IQCM: variants seen among roughly 807,000 people sequenced by gnomAD.
IQCM encodes the protein IQ motif containing M.
A neutral mutation model predicts 57.6 loss-of-function variants in IQCM; 45 were observed. The ratio of observed to expected loss-of-function variants is 0.78; its 90% CI spans 0.62 to 1.00. The LOEUF is 1.00. Ranked by LOEUF, IQCM falls within the 50% of genes least tolerant of loss-of-function variation. IQCM has a pLI of 0.00. For synonymous variants in IQCM, 148 were observed against 158.9 expected (o/e 0.93, Z 0.51); for missense variants, 468 against 511.6 (o/e 0.91, Z 0.82).
chr4:149,352,703 G>T (rs1728662285), intron 13 of IQCM, among the ~76,000 whole-genome samples: 1 of 152,156 alleles, frequency 6.6e-6, no homozygotes, highest in Non-Finnish European at 1.5e-5. Context: ...AAGACAAACA[G>T]TATTGACTTT....
At chr4:149,807,399 A>T (rs891764850) in intron 2 of IQCM, among the ~76,000 whole-genome samples, 1 of 152,072 alleles carries the variant, frequency 6.6e-6, no homozygotes, top group African/African-American at 2.4e-5. Context: ...ATTAAGCTAG[A>T]TACTCATCTT....
rs996340247 is a variant in IQCM, at chr4:149,579,264, T to A, written c.749+8666A>T. On this transcript the variant is annotated intron_variant, in intron 9 of 13. Transcript: ENST00000636793. ...CCTTCAGCAGAAACTAGTGGAATTA[T>A]GTGTATCCCATGCTTATGAGTGAGG... Among the ~76,000 whole-genome samples, 3 of 151,810 alleles carry A rather than the reference T, an allele frequency of 2.0e-5. No individual in the cohort carries two copies. The South Asian group carries it at 6.2e-4, about 31-fold the overall frequency.
intron 2 of IQCM, among the ~76,000 whole-genome samples, chr4:149,796,301 G>C: frequency 6.6e-6 from 1 of 152,202 alleles, no homozygotes; most frequent in East Asian, 1.9e-4. Flanking sequence ...TGAGGTGGTA[G>C]TGGTCACAGA....
intron 7 of IQCM, among the ~76,000 whole-genome samples, chr4:149,679,438 C>A (rs190411827): frequency 6.6e-6 from 1 of 151,326 alleles, no homozygotes; most frequent in African/African-American, 2.4e-5. Context: ...GAAATAAGAC[C>A]TAGTGTTAGA....
At chr4:149,550,501 A>AT (rs1445041648) in intron 11 of IQCM, among the ~76,000 whole-genome samples, 2 of 152,210 alleles carry the variant, frequency 1.3e-5, no homozygotes, top group African/African-American at 4.8e-5. Context: ...TTCTCACAAG[A>AT]TAATATTGAT....
chr4:149,778,897 G>A (rs912536653), intron 2 of IQCM, among the ~76,000 whole-genome samples: 1 of 152,116 alleles, frequency 6.6e-6, no homozygotes, highest in Non-Finnish European at 1.5e-5. Flanking sequence ...CGGTTTCACT[G>A]TAAATACTAC....
At chr4:149,701,633 C>T (rs1763780596) in intron 5 of IQCM, among the ~76,000 whole-genome samples, 1 of 151,964 alleles carries the variant, frequency 6.6e-6, no homozygotes, top group South Asian at 2.1e-4. Flanking sequence ...TCATACTTCA[C>T]AGTTTTAGTG....
At chr4:149,389,115 T>C (rs182140385) in intron 13 of IQCM, among the ~76,000 whole-genome samples, 2 of 152,078 alleles carry the variant, frequency 1.3e-5, no homozygotes, top group Admixed American at 1.3e-4. Context: ...ATTTAATAGT[T>C]TTCACCCTTA....
intron 12 of IQCM, among the ~76,000 whole-genome samples, chr4:149,521,396 T>C (rs1013494381): frequency 6.6e-6 from 1 of 152,190 alleles, no homozygotes; most frequent in African/African-American, 2.4e-5. Flanking sequence ...TTTTCTACCA[T>C]GCAAATTATT....
At chr4:149,605,705 C>G (rs1754711700) in intron 8 of IQCM, among the ~76,000 whole-genome samples, 1 of 152,056 alleles carries the variant, frequency 6.6e-6, no homozygotes, top group South Asian at 2.1e-4. Flanking sequence ...CTACACTGGT[C>G]TTGGAGGCAG....
At chr4:149,567,307 T>G (rs2149948914) in intron 9 of IQCM, among the ~76,000 whole-genome samples, 1 of 152,212 alleles carries the variant, frequency 6.6e-6, no homozygotes, top group African/African-American at 2.4e-5. Context: ...GACAATTTTT[T>G]CAATATTTTT....
chr4:149,583,624 T>C (rs1752404229), intron 9 of IQCM, among the ~76,000 whole-genome samples: 1 of 151,754 alleles, frequency 6.6e-6, no homozygotes, highest in Non-Finnish European at 1.5e-5. Flanking sequence ...ATGCAATAGG[T>C]TATCTTAAGG....
In IQCM at chr4:149,739,550, T is replaced by C. The variant is rs551863081; in HGVS notation, c.37+3105A>G. Among the ~76,000 whole-genome samples, 4 of 152,172 alleles carry C rather than the reference T, an allele frequency of 2.6e-5. No homozygotes were observed. In the South Asian group the frequency reaches 8.3e-4, roughly 32 times the overall value. On this transcript the variant is annotated intron_variant, in intron 3 of 13. Transcript: ENST00000636793. ...AATGCAGTTTGGGTAAATTGTCTTA[T>C]TAAAATTCCTTTTTATCCAAAACTA...
chr4:149,780,910 A>G (rs976385579), intron 2 of IQCM, among the ~76,000 whole-genome samples: 9 of 152,200 alleles, frequency 5.9e-5, no homozygotes, highest in Non-Finnish European at 5.9e-5. Flanking sequence ...TGTGCCAGGT[A>G]TCATGCGAAG....
chr4:149,683,257 T>C lies in IQCM; in HGVS notation c.477-1051A>G, dbSNP rs1425715536. On this transcript the variant is annotated intron_variant, in intron 6 of 13. Transcript: ENST00000636793. ...AAACAAGGATGAAAATCTTTGAACATTTATATTTGTGCACCTGTATTTCCT... is the reference window on the plus strand; with the variant it reads ...AAACAAGGATGAAAATCTTTGAACACTTATATTTGTGCACCTGTATTTCCT... Among the ~76,000 whole-genome samples, 4 of 151,312 alleles carry C rather than the reference T, an allele frequency of 2.6e-5. No individual in the cohort carries two copies. The South Asian group carries it at 8.3e-4, about 31-fold the overall frequency.
chr4:149,455,192 T>G (rs11946005), intron 12 of IQCM, among the ~76,000 whole-genome samples: 23,688 of 152,062 alleles, frequency 0.16, 2,223 homozygotes, highest in South Asian at 0.33. Context: ...TGTGTTGCAT[T>G]TGCCGCACTG....
chr4:149,743,534 A>G (rs948032638), intron 2 of IQCM, among the ~76,000 whole-genome samples: 3 of 152,208 alleles, frequency 2.0e-5, no homozygotes, highest in Non-Finnish European at 4.4e-5. Context: ...ACTATACTTT[A>G]TACCAGTAGT....
At chr4:149,484,021 T>C (rs1186713585) in intron 12 of IQCM, among the ~76,000 whole-genome samples, 1 of 152,072 alleles carries the variant, frequency 6.6e-6, no homozygotes, top group Non-Finnish European at 1.5e-5. Flanking sequence ...CATAATGTAG[T>C]GACCTTCTTT....
intron 12 of IQCM, among the ~76,000 whole-genome samples, chr4:149,538,618 C>T (rs901640405): frequency 1.3e-5 from 2 of 151,788 alleles, no homozygotes; most frequent in Admixed American, 6.6e-5. Context: ...ACTCTATGCT[C>T]TCTATAAGAA....
Sources: gnomAD v4.1 joint callset for allele counts (sites outside exome capture counted in the v4.1 genomes callset) on GRCh38, gnomAD v4.1.1 for gene constraint, MANE v1.5 for transcripts, NCBI Gene and HGNC (gene_info 2026-07-23, HGNC 2026-07-21) for gene names.